DGKI: variants seen among roughly 807,000 people sequenced by gnomAD.
DGKI encodes DAG kinase iota.
A neutral mutation model predicts 147.5 loss-of-function variants in DGKI; 55 were observed. The observed-to-expected ratio is 0.37, with a 90% CI of 0.30 to 0.47. The LOEUF is 0.47. Among genes scored for constraint, DGKI ranks in the 20% least tolerant of loss-of-function variants. DGKI has a pLI of 1.00. For synonymous variants in DGKI, 469 were observed against 477.1 expected (o/e 0.98, Z 0.22); for missense variants, 1,007 against 1,323.8 (o/e 0.76, Z 3.71).
At position 137,691,797 on chromosome 7, in the gene DGKI, G is replaced by GGTTTTTTTTTTTT. The variant is rs1242078040; in HGVS notation, c.402-1808_402-1796dup. ...AGCTCAGCAAGTGTCTAGACCTTTG[G>GGTTTTTTTTTTTT]GTTTTTTTTTTTTTTTTTTTTTTTA... is the stretch of plus-strand genomic sequence containing the variant. On this transcript the variant is annotated intron_variant, in intron 1 of 32. Coordinates refer to ENST00000614521, the MANE Select transcript of DGKI (RefSeq NM_001321708.2). Among the ~76,000 whole-genome samples, 4 of 74,674 alleles carry GGTTTTTTTTTTTT rather than the reference G, an allele frequency of 5.4e-5. No homozygotes were observed. In the East Asian group the frequency reaches 1.7e-3, roughly 31 times the overall value. The allele number at this position is 74,674 out of a possible 152,430, so 49.0% of individuals were successfully genotyped here.
chr7:137,465,909 C>T lies in DGKI; in HGVS notation c.2611G>A (p.Gly871Arg). The T allele has an allele frequency of 1.9e-6, 3 of 1,613,726 alleles. No individual in the cohort carries two copies. Among genetic ancestry groups the T allele is most frequent in the East Asian group, 2.2e-5 (1 of 44,878 alleles). ...ACAGGCCAGGAGAAGCACACTCACC[C>T]CGAGGCTTGTTCCACCACCAGGTCA... is the stretch of plus-strand genomic sequence containing the variant. ...MPDLVVEQAS[G>R]ISDWWNPALR... The change falls in exon 26 of 33, where the codon GGG becomes AGG. Residue 871 changes from glycine to arginine, a missense_variant and splice_region_variant. Gly to Arg is a moderately radical substitution (Grantham distance 125). Around this residue, in one of 5 missense-constraint regions of DGKI, gnomAD observed 385 missense variants for 445.2 expected, o/e 0.86. Transcript: ENST00000614521.
rs865793290 is a variant in DGKI, at chr7:137,395,759, G to A, written c.2958-62C>T. ...GGGTTGGAGGCAGCAGGGAATGGGT[G>A]AGGGGAGCTGATGTAGGGTGCTCCT... On this transcript the variant is annotated intron_variant, in intron 31 of 32. Transcript: ENST00000614521. 54 of 1,496,922 alleles carry A rather than the reference G, an allele frequency of 3.6e-5. No homozygotes were observed. The Middle Eastern group carries it at 2.3e-3, about 65-fold the overall frequency. 92.7% of individuals were successfully genotyped at this position (1,496,922 alleles called of 1,614,324 possible).
intron 4 of DGKI, among the ~76,000 whole-genome samples, chr7:137,655,058 T>G (rs190394191): frequency 1.8e-4 from 28 of 152,276 alleles, no homozygotes; most frequent in Admixed American, 1.6e-3. Flanking sequence ...CACCATAAAT[T>G]TGAGAAACTG....
intron 1 of DGKI, among the ~76,000 whole-genome samples, chr7:137,801,298 C>T (rs906222368): frequency 1.3e-5 from 2 of 152,036 alleles, no homozygotes; most frequent in Admixed American, 6.6e-5. Flanking sequence ...GAAATGGGAT[C>T]GGCTTTCCTG....
chr7:137,401,489 C>T (rs1811759923), intron 30 of DGKI, among the ~76,000 whole-genome samples: 2 of 152,084 alleles, frequency 1.3e-5, no homozygotes, highest in East Asian at 3.9e-4. Context: ...CATGACTGCA[C>T]TCTAGCCTGG....
chr7:137,671,796 G>T (rs1048639310), intron 3 of DGKI, among the ~76,000 whole-genome samples: 1 of 152,148 alleles, frequency 6.6e-6, no homozygotes, highest in Non-Finnish European at 1.5e-5. Flanking sequence ...AGCAACATTA[G>T]AAGAAAACTT....
At chr7:137,707,812 A>T (rs1195222408) in intron 1 of DGKI, among the ~76,000 whole-genome samples, 1 of 152,214 alleles carries the variant, frequency 6.6e-6, no homozygotes, top group Admixed American at 6.5e-5. Flanking sequence ...TTTTTATAGC[A>T]AAGTGAGAAC....
At chr7:137,686,939 G>A (rs1200864544) in intron 2 of DGKI, among the ~76,000 whole-genome samples, 1 of 152,134 alleles carries the variant, frequency 6.6e-6, no homozygotes, top group Non-Finnish European at 1.5e-5. Context: ...GGTTCACTCT[G>A]ACTTTGCAAC....
chr7:137,481,637 G>A (rs942376100), intron 23 of DGKI, among the ~76,000 whole-genome samples: 1 of 152,002 alleles, frequency 6.6e-6, no homozygotes, highest in Non-Finnish European at 1.5e-5. Flanking sequence ...TGTCATTTTT[G>A]AGCTTCAGTG....
At chr7:137,483,249 G>A (rs1815434810) in intron 23 of DGKI, among the ~76,000 whole-genome samples, 1 of 151,976 alleles carries the variant, frequency 6.6e-6, no homozygotes, top group Non-Finnish European at 1.5e-5. Flanking sequence ...TATAAGCCAG[G>A]AATAATAAAT....
intron 1 of DGKI, among the ~76,000 whole-genome samples, chr7:137,809,796 C>T (rs145051715): frequency 6.6e-6 from 1 of 152,076 alleles, no homozygotes; most frequent in Non-Finnish European, 1.5e-5. Context: ...TCCAGCTACT[C>T]AAGAGGCTGA....
chr7:137,489,830 C>A (rs914180918), intron 21 of DGKI, among the ~76,000 whole-genome samples: 5 of 152,146 alleles, frequency 3.3e-5, no homozygotes, highest in Non-Finnish European at 7.4e-5. Flanking sequence ...ACGCAGGAAT[C>A]CCATCAACAC....
chr7:137,831,179 C>T (rs1035129295), intron 1 of DGKI, among the ~76,000 whole-genome samples: 1 of 152,224 alleles, frequency 6.6e-6, no homozygotes. Context: ...CAAGCAGAGG[C>T]TGCTGGGCCA....
chr7:137,465,956 G>A lies in DGKI; in HGVS notation c.2564C>T (p.Ala855Val), dbSNP rs757734562. Residue 855 changes from alanine (A) to valine (V), a missense_variant, in exon 26 of 33, where the codon GCG becomes GTG. This residue lies in a region of DGKI where 385 missense variants were observed against 445.2 expected (regional missense o/e 0.86). Coordinates refer to ENST00000614521, the MANE Select transcript of DGKI (RefSeq NM_001321708.2). ...GTCAGGCATGCCCGGAGGTGTCCCC[G>A]CCGGCTGTGACACCACCATATCTGG... ...LDPDMVVSQP[A>V]GTPPGMPDLV... The A allele has an allele frequency of 6.2e-6, 10 of 1,614,052 alleles. No homozygotes were observed. Among genetic ancestry groups the A allele is most frequent in the South Asian group, 2.2e-5 (2 of 91,060 alleles).
rs80289394 is a variant in DGKI at position 137,746,404 on chromosome 7, C to T, written c.402-56402G>A. On this transcript the variant is annotated intron_variant, in intron 1 of 32. Coordinates refer to ENST00000614521, the MANE Select transcript of DGKI (RefSeq NM_001321708.2). Reference sequence around the variant, plus strand: ...TTGGTCCCCATGGTGGCATGATTTGCGCATGAATAATCTAGATTTAGAGTA... The same window carrying T: ...TTGGTCCCCATGGTGGCATGATTTGTGCATGAATAATCTAGATTTAGAGTA... Among the ~76,000 whole-genome samples, 333 of 152,266 alleles carry T rather than the reference C, an allele frequency of 2.2e-3. 3 individuals carry two copies. Among genetic ancestry groups the T allele is most frequent in the Non-Finnish European group, 1.7e-3 (117 of 68,022 alleles).
At chr7:137,791,899 G>A (rs184889093) in intron 1 of DGKI, among the ~76,000 whole-genome samples, 42 of 152,262 alleles carry the variant, frequency 2.8e-4, no homozygotes, top group South Asian at 6.2e-4. Flanking sequence ...GTACACATGC[G>A]CAGTTGAATA....
At chr7:137,513,680 C>T (rs933003855) in intron 21 of DGKI, among the ~76,000 whole-genome samples, 16 of 152,162 alleles carry the variant, frequency 1.1e-4, no homozygotes, top group Non-Finnish European at 1.9e-4. Context: ...TACGGTATAG[C>T]CTGTAGCTCC....
chr7:137,642,364 C>T (rs1289753569), intron 6 of DGKI, among the ~76,000 whole-genome samples: 1 of 152,168 alleles, frequency 6.6e-6, no homozygotes, highest in Non-Finnish European at 1.5e-5. Flanking sequence ...GGAAGGGGTC[C>T]TCTCCATCTC....
chr7:137,605,625 C>G lies in DGKI; in HGVS notation c.1167+3341G>C, dbSNP rs548954890. Among the ~76,000 whole-genome samples the G allele has an allele frequency of 5.3e-5, 8 of 152,008 alleles. No individual in the cohort carries two copies. In the East Asian group the frequency reaches 9.7e-4, roughly 18 times the overall value. On this transcript the variant is annotated intron_variant, in intron 10 of 32. Coordinates refer to ENST00000614521, the MANE Select transcript of DGKI (RefSeq NM_001321708.2). ...TATACATAATAAAATACTATTTGAC[C>G]ATAAAAAAGAATGAAATCCTGTCAT... is the stretch of plus-strand genomic sequence containing the variant.
Sources: gnomAD v4.1 joint callset for allele counts (sites outside exome capture counted in the v4.1 genomes callset) on GRCh38, gnomAD v4.1.1 for gene constraint, gnomAD v4.1.1 regional missense constraint, MANE v1.5 for transcripts, NCBI Gene and HGNC (gene_info 2026-07-23, HGNC 2026-07-21) for gene names.